The following COL9A2 variants were observed in gnomAD, a reference collection of about 807,000 sequenced individuals.
The protein encoded by COL9A2 is collagen type IX alpha 2 chain, also known as collagen alpha-2(IX) chain.
A neutral mutation model predicts 111.6 loss-of-function variants in COL9A2; 66 were observed. The ratio of observed to expected loss-of-function variants is 0.59; its 90% CI spans 0.48 to 0.73. The LOEUF (loss-of-function observed/expected upper bound fraction) is 0.73. COL9A2 is among the 30% of genes least tolerant of loss of function. COL9A2 has a pLI of 0.00. For synonymous variants in COL9A2, 353 were observed against 364.1 expected (o/e 0.97, Z 0.35); for missense variants, 881 against 954.1 (o/e 0.92, Z 1.01).
chr1:40,310,121 G>C lies in COL9A2; in HGVS notation c.782C>G (p.Thr261Ser). 3.1e-6 allele frequency: 5 copies of C among 1,614,060 alleles called. No homozygotes were observed. Among genetic ancestry groups the C allele is most frequent in the Non-Finnish European group, 4.2e-6 (5 of 1,179,930 alleles). ...YKGMVGAIGA[T>S]GPPGEEGPRG... Reference sequence around the variant, plus strand: ...CAAAAAGAGGCTTACCGGTGGCCCAGTGGCACCGATAGCGCCCACCATGCC... The same window carrying C: ...CAAAAAGAGGCTTACCGGTGGCCCACTGGCACCGATAGCGCCCACCATGCC... Residue 261 changes from threonine to serine, a missense_variant, in exon 15 of 32, where the codon ACT becomes AGT. Physicochemically the swap from Thr to Ser is moderately conservative, Grantham distance 58 (BLOSUM62 1). Transcript: ENST00000372748. The surrounding 1 kb of genome is among the most constrained non-coding windows in gnomAD (Gnocchi z 4.9).
rs771899715 is a variant in COL9A2 at position 40,317,076 on chromosome 1, A to G, written c.75+47T>C. The G allele has an allele frequency of 2.0e-6, 3 of 1,535,064 alleles. No homozygotes were observed. The highest frequency in any genetic ancestry group is 1.2e-5 in the South Asian group (1 of 83,810). On this transcript the variant is annotated intron_variant, in intron 1 of 31. Coordinates refer to ENST00000372748, the MANE Select transcript of COL9A2 (RefSeq NM_001852.4). This position sits in a 1 kb window ranked among gnomAD's most constrained non-coding sequence, Gnocchi z 4.3. ...GCAGAGCTCCTCCATCCCGGACTCC[A>G]GACCCCGCACCCTGGACCCTGGCAG...
chr1:40,317,188 C>G lies in COL9A2; in HGVS notation c.10G>C (p.Ala4Pro). The part of the protein sequence containing the change: MAA[A>P]TASPRSLLVL... The stretch of plus-strand genomic sequence containing the variant: ...AGGAGGCTGCGGGGGGAGGCCGTAG[C>G]GGCGGCCATGGCTGGCGGCGAGACC... Residue 4 changes from alanine (A) to proline (P), a missense_variant, in exon 1 of 32, where the codon GCT (alanine) becomes CCT (proline). Transcript: ENST00000372748. The surrounding 1 kb of genome is among the most constrained non-coding windows in gnomAD (Gnocchi z 4.3). 1 of 1,581,156 alleles carries G rather than the reference C, an allele frequency of 6.3e-7. No individual in the cohort carries two copies. The highest frequency in any genetic ancestry group is 8.6e-7 in the Non-Finnish European group (1 of 1,164,038).
rs1009634902 is a variant in COL9A2, at chr1:40,312,916, C to T, written c.250-132G>A. The T allele has an allele frequency of 1.4e-6, 1 of 718,472 alleles. No homozygotes were observed. The highest frequency in any genetic ancestry group is 1.6e-5 in the South Asian group (1 of 62,828). The allele number at this position is 718,472 out of a possible 1,614,324, so 44.5% of individuals were successfully genotyped here. ...GCCACACCTCATGAAGGCCTAGGAA[C>T]CTCCACACCTTTCTTTCCTTTTCCC... On this transcript the variant is annotated intron_variant, in intron 4 of 31. Transcript: ENST00000372748. The surrounding 1 kb of genome is among the most constrained non-coding windows in gnomAD (Gnocchi z 6.0).
rs998199111 is a variant in COL9A2 at position 40,314,834 on chromosome 1, G to T, written c.151-447C>A. 5.9e-5 allele frequency among the ~76,000 whole-genome samples: 9 copies of T among 152,166 alleles called. No homozygotes were observed. Among genetic ancestry groups the T allele is most frequent in the Admixed American group, 5.2e-4 (8 of 15,276 alleles). ...AGGAGAACGGGAAGCTGAGCCAGTG[G>T]CAAGGACCAAGGGGGACTGCAAGGG... On this transcript the variant is annotated intron_variant, in intron 2 of 31. Coordinates refer to ENST00000372748, the MANE Select transcript of COL9A2 (RefSeq NM_001852.4). This position sits in a 1 kb window ranked among gnomAD's most constrained non-coding sequence, Gnocchi z 4.1.
chr1:40,302,833 G>A lies in COL9A2; in HGVS notation c.1604-24C>T. 1 of 1,148,976 alleles carries A rather than the reference G, an allele frequency of 8.7e-7. No individual in the cohort carries two copies. Among genetic ancestry groups the A allele is most frequent in the Non-Finnish European group, 1.2e-6 (1 of 806,818 alleles). The allele number at this position is 1,148,976 out of a possible 1,614,324, so 71.2% of individuals were successfully genotyped here. A position where few individuals can be genotyped will look rare whatever the true frequency, so the allele number is the denominator to read the frequency against. On this transcript the variant is annotated intron_variant, in intron 29 of 31. Coordinates refer to ENST00000372748, the MANE Select transcript of COL9A2 (RefSeq NM_001852.4). The surrounding 1 kb of genome is among the most constrained non-coding windows in gnomAD (Gnocchi z 4.5). ...CTCTGGAGGGAGGGAGGGAGGGAGG[G>A]AGAGGGAAGTCTATGAGATGGGTGT...
At position 40,306,537 on chromosome 1, in the gene COL9A2, A is replaced by G. The variant is rs559977573; in HGVS notation, c.1009-350T>C. Among the ~76,000 whole-genome samples the G allele has an allele frequency of 3.2e-4, 49 of 152,362 alleles. No homozygotes were observed. In the South Asian group the frequency reaches 1.0e-2, roughly 31 times the overall value. ...CCACAGGGAGGGAGGGCAGGCTCCC[A>G]TGGACTGGACTCCAGGAGGTATGGA... On this transcript the variant is annotated intron_variant, in intron 19 of 31. Coordinates refer to ENST00000372748, the MANE Select transcript of COL9A2 (RefSeq NM_001852.4).
rs376809219 is a variant in COL9A2, at chr1:40,317,234, C to T, written c.-37G>A. Reference sequence around the variant, plus strand: ...AGACCAAGGGGGACGGGTGCGTGTCCGCGCACGCACCGACGGCAGAGTCTC... The same window carrying T: ...AGACCAAGGGGGACGGGTGCGTGTCTGCGCACGCACCGACGGCAGAGTCTC... On this transcript the variant is annotated 5_prime_UTR_variant, in exon 1 of 32. Coordinates refer to ENST00000372748, the MANE Select transcript of COL9A2 (RefSeq NM_001852.4). This position sits in a 1 kb window ranked among gnomAD's most constrained non-coding sequence, Gnocchi z 4.3. 2 of 1,514,088 alleles carry T rather than the reference C, an allele frequency of 1.3e-6. No individual in the cohort carries two copies. The highest frequency in any genetic ancestry group is 2.0e-5 in the Admixed American group (1 of 51,054). 93.8% of individuals were successfully genotyped at this position (1,514,088 alleles called of 1,614,324 possible).
rs1043438578 is a variant in COL9A2, at chr1:40,306,179, T to C, written c.1017A>G (p.Pro339=). Residue 339 remains proline, a synonymous_variant, in exon 20 of 32, where the codon CCA becomes CCG. Transcript: ENST00000372748. ...SPGHQGLAGV[P]GQPGTKGGPG... ...GGCCTCCTTTTGTCCCAGGCTGGCC[T>C]GGCACACCCTGCAGAAAGAAGTTGA... 1 of 1,614,206 alleles carries C rather than the reference T, an allele frequency of 6.2e-7. No homozygotes were observed. The highest frequency in any genetic ancestry group is 8.5e-7 in the Non-Finnish European group (1 of 1,180,034).
At chr1:40,301,487 A>G in intron 31 of COL9A2, 106 bp from the exon 32 acceptor site, 2 of 958,708 alleles carry the variant, frequency 2.1e-6, no homozygotes, top group Non-Finnish European at 3.1e-6. Flanking sequence ...CCAAAACACC[A>G]TAGGAGAAAG....
intron 16 of COL9A2, among the ~76,000 whole-genome samples, chr1:40,308,621 T>C (rs534065632): frequency 1.3e-5 from 2 of 152,272 alleles, no homozygotes; most frequent in African/African-American, 4.8e-5. Context: ...TTTGAGATAA[T>C]TGGGAAAAAC....
chr1:40,307,586 G>T lies in COL9A2; in HGVS notation c.955-87C>A. ...ACCCAGATGCAGGTAGGGAAACTGAGATCCAGAGGCAAGAAAGGGCATGTC... is the reference window on the plus strand; with the variant it reads ...ACCCAGATGCAGGTAGGGAAACTGATATCCAGAGGCAAGAAAGGGCATGTC... On this transcript the variant is annotated intron_variant, in intron 18 of 31. Coordinates refer to ENST00000372748, the MANE Select transcript of COL9A2 (RefSeq NM_001852.4). The surrounding 1 kb of genome is among the most constrained non-coding windows in gnomAD (Gnocchi z 4.8). The T allele has an allele frequency of 6.3e-7, 1 of 1,587,864 alleles. No individual in the cohort carries two copies. The highest frequency in any genetic ancestry group is 1.1e-5 in the South Asian group (1 of 89,428).
Position 40,310,867 on chromosome 1 carries a change from G to T in COL9A2, c.631-100C>A. The stretch of plus-strand genomic sequence containing the variant: ...CTCTTTTCCCCAGCACAAGCAGACG[G>T]GAGGGACTACTACGAACCCTACAGT... On this transcript the variant is annotated intron_variant, in intron 12 of 31. Coordinates refer to ENST00000372748, the MANE Select transcript of COL9A2 (RefSeq NM_001852.4). This position sits in a 1 kb window ranked among gnomAD's most constrained non-coding sequence, Gnocchi z 4.9. The T allele has an allele frequency of 8.9e-7, 1 of 1,124,288 alleles. No homozygotes were observed. Among genetic ancestry groups the T allele is most frequent in the Non-Finnish European group, 1.3e-6 (1 of 760,064 alleles). 69.6% of individuals were successfully genotyped at this position (1,124,288 alleles called of 1,614,324 possible). A position where few individuals can be genotyped will look rare whatever the true frequency, so the allele number is the denominator to read the frequency against.
rs1189471124 is a variant in COL9A2, at chr1:40,302,816, G to GGAGA, written c.1604-8_1604-7insTCTC. The GGAGA allele has an allele frequency of 1.3e-5, 19 of 1,501,812 alleles. No homozygotes were observed. In the African/African-American group the frequency reaches 2.9e-4, roughly 23 times the overall value. 93.0% of individuals were successfully genotyped at this position (1,501,812 alleles called of 1,614,324 possible). On this transcript the variant is annotated splice_region_variant and splice_polypyrimidine_tract_variant and intron_variant, in intron 29 of 31. Coordinates refer to ENST00000372748, the MANE Select transcript of COL9A2 (RefSeq NM_001852.4). This position sits in a 1 kb window ranked among gnomAD's most constrained non-coding sequence, Gnocchi z 4.5. ...GCGACCTCTGCCAGTTGCTCTGGAG[G>GGAGA]GAGGGAGGGAGGGAGGGAGAGGGAA...
At position 40,303,472 on chromosome 1, in the gene COL9A2, C is replaced by G; in HGVS notation, c.1548+58G>C. The G allele has an allele frequency of 4.4e-6, 7 of 1,605,852 alleles. No individual in the cohort carries two copies. The South Asian group carries it at 6.6e-5, about 15-fold the overall frequency. ...AATCCCTAGCCTTTGGCGGGTAAGC[C>G]GCACCCCAGAACAGATCTACCTAGA... On this transcript the variant is annotated intron_variant, in intron 28 of 31. Transcript: ENST00000372748. This position sits in a 1 kb window ranked among gnomAD's most constrained non-coding sequence, Gnocchi z 4.6.
rs984199887 is a variant in COL9A2 at position 40,314,859 on chromosome 1, G to T, written c.151-472C>A. ...GCAAGGACCAAGGGGGACTGCAAGG[G>T]GGAAATTCAGTGTTCCCAAGGAGGG... is the stretch of plus-strand genomic sequence containing the variant. On this transcript the variant is annotated intron_variant, in intron 2 of 31. Coordinates refer to ENST00000372748, the MANE Select transcript of COL9A2 (RefSeq NM_001852.4). This position sits in a 1 kb window ranked among gnomAD's most constrained non-coding sequence, Gnocchi z 4.1. Among the ~76,000 whole-genome samples the T allele has an allele frequency of 2.6e-5, 4 of 152,188 alleles. No homozygotes were observed. The highest frequency in any genetic ancestry group is 5.9e-5 in the Non-Finnish European group (4 of 68,026).
Position 40,311,407 on chromosome 1 carries a change from T to C in COL9A2, c.519+93A>G. The stretch of plus-strand genomic sequence containing the variant: ...ACCCCTGCACTGCAGCCCCTCCCCA[T>C]CTCTCCAGACACCCCCATCTCCGTG... On this transcript the variant is annotated intron_variant, in intron 10 of 31. Coordinates refer to ENST00000372748, the MANE Select transcript of COL9A2 (RefSeq NM_001852.4). This position sits in a 1 kb window ranked among gnomAD's most constrained non-coding sequence, Gnocchi z 5.1. 1 of 1,572,778 alleles carries C rather than the reference T, an allele frequency of 6.4e-7. No homozygotes were observed.
chr1:40,301,866 G>T lies in COL9A2; in HGVS notation c.1816C>A (p.Pro606Thr). Residue 606 changes from proline (P) to threonine (T), a missense_variant, in exon 31 of 32, where the codon CCA (proline) becomes ACA (threonine). Pro to Thr is a conservative substitution (Grantham distance 38, BLOSUM62 -1). Coordinates refer to ENST00000372748, the MANE Select transcript of COL9A2 (RefSeq NM_001852.4). ...PKGKRGEKGD[P>T]GEVGRGHPGM... ...GGGTGCCCCCGTCCCACTTCTCCTG[G>T]ATCACCCTTCTCTCCACGTTTTCCT... 6.2e-7 allele frequency: 1 copy of T among 1,614,086 alleles called. No individual in the cohort carries two copies. Among genetic ancestry groups the T allele is most frequent in the Non-Finnish European group, 8.5e-7 (1 of 1,179,992 alleles).
Position 40,304,358 on chromosome 1 carries a change from G to A in COL9A2, c.1249C>T (p.Pro417Ser). 1 of 1,579,942 alleles carries A rather than the reference G, an allele frequency of 6.3e-7. No homozygotes were observed. The highest frequency in any genetic ancestry group is 8.6e-7 in the Non-Finnish European group (1 of 1,162,110). The change falls in exon 24 of 32, where the codon CCA becomes TCA. Residue 417 changes from proline to serine, a missense_variant. By Grantham distance (74) the Pro-to-Ser change is moderately conservative (BLOSUM62 -1). Transcript: ENST00000372748. Reference protein sequence around the residue: ...PKGEQGPPGIPGPQGLPGVKG... With the variant: ...PKGEQGPPGISGPQGLPGVKG... ...ACGCCTGGCAAGCCTTGGGGCCCTGGAATTCCGGGGGGGCCCTGCTCCCCC... is the reference window on the plus strand; with the variant it reads ...ACGCCTGGCAAGCCTTGGGGCCCTGAAATTCCGGGGGGGCCCTGCTCCCCC...
At chr1:40,308,582 G>A (rs1329079579) in intron 16 of COL9A2, among the ~76,000 whole-genome samples, 3 of 152,260 alleles carry the variant, frequency 2.0e-5, no homozygotes, top group African/African-American at 7.2e-5. Flanking sequence ...TGTGAGTCTT[G>A]ATTTGAACAA....
Sources: gnomAD v4.1 joint callset for allele counts (sites outside exome capture counted in the v4.1 genomes callset) on GRCh38, gnomAD v4.1.1 for gene constraint, Gnocchi (gnomAD v3.1) non-coding constraint, MANE v1.5 for transcripts, NCBI Gene and HGNC (gene_info 2026-07-23, HGNC 2026-07-21) for gene names.